Variants in TOLLIP observed in about 807,000 individuals in gnomAD.
TOLLIP encodes toll-interacting protein.
In TOLLIP, 16 loss-of-function variants were observed where a neutral mutation model predicts 33.5. That is an observed-to-expected ratio of 0.48 (90% confidence interval 0.32 to 0.72). The LOEUF is 0.72. Among genes scored for constraint, TOLLIP ranks in the 30% least tolerant of loss-of-function variants. The probability of loss-of-function intolerance (pLI) is 0.03; values close to 1 mark genes in which losing one functional copy is unlikely to be tolerated. For missense variants in TOLLIP, 325 were observed against 396.6 expected (o/e 0.82, Z 1.53); for synonymous variants, 176 against 163.7 (o/e 1.07, Z -0.57).
Position 1,295,667 on chromosome 11 carries a change from C to A in TOLLIP, c.161G>T (p.Arg54Leu). 2 of 1,594,524 alleles carry A rather than the reference C, an allele frequency of 1.3e-6. No individual in the cohort carries two copies. The highest frequency in any genetic ancestry group is 1.7e-6 in the Non-Finnish European group (2 of 1,166,910). ...CACCTGTACCACCGTGATGTTCAGTCGGCCCACGGTGCCCACTGCGCCTCC... is the reference window on the plus strand; with the variant it reads ...CACCTGTACCACCGTGATGTTCAGTAGGCCCACGGTGCCCACTGCGCCTCC... ...QYGGAVGTVG[R>L]LNITVVQAKL... Residue 54 changes from arginine (R) to leucine (L), a missense_variant, in exon 2 of 6, where the codon CGA becomes CTA. Coordinates refer to ENST00000317204, the MANE Select transcript of TOLLIP (RefSeq NM_019009.4).
In TOLLIP at chr11:1,301,290, C is replaced by A. The variant is rs1165437472; in HGVS notation, c.34-5496G>T. 2.6e-5 allele frequency among the ~76,000 whole-genome samples: 4 copies of A among 152,332 alleles called. No individual in the cohort carries two copies. In the South Asian group the frequency reaches 8.3e-4, roughly 32 times the overall value. ...GACATCATTAGCGATGGGCTAAATA[C>A]GTTCTGTGGAATTAAATCACAAAAT... On this transcript the variant is annotated intron_variant, in intron 1 of 5. Coordinates refer to ENST00000317204, the MANE Select transcript of TOLLIP (RefSeq NM_019009.4).
chr11:1,306,678 G>A (rs956441218), intron 1 of TOLLIP, among the ~76,000 whole-genome samples: 1 of 152,094 alleles, frequency 6.6e-6, no homozygotes, highest in South Asian at 2.1e-4. Flanking sequence ...AAGCAGGCTG[G>A]TGCCAAGGCG....
chr11:1,277,444 G>A lies in TOLLIP; in HGVS notation c.611-191C>T, dbSNP rs1863347488. Among the ~76,000 whole-genome samples the A allele has an allele frequency of 6.6e-6, 1 of 152,186 alleles. No individual in the cohort carries two copies. The highest frequency in any genetic ancestry group is 2.4e-5 in the African/African-American group (1 of 41,448). On this transcript the variant is annotated intron_variant, in intron 5 of 5. Coordinates refer to ENST00000317204, the MANE Select transcript of TOLLIP (RefSeq NM_019009.4). This position sits in a 1 kb window ranked among gnomAD's most constrained non-coding sequence, Gnocchi z 4.2. ...CCCCCAAACAGCAACCCCAGGCACA[G>A]CCACGGGGAAGGTGGGCAGGGCCCT...
Position 1,303,382 on chromosome 11 carries a change from A to G in TOLLIP, c.33+6084T>C, listed in dbSNP as rs1455929146. On this transcript the variant is annotated intron_variant, in intron 1 of 5. Coordinates refer to ENST00000317204, the MANE Select transcript of TOLLIP (RefSeq NM_019009.4). This position sits in a 1 kb window ranked among gnomAD's most constrained non-coding sequence, Gnocchi z 4.2. ...GTGGCAGGCCCTGGGCGCCGGGCAC[A>G]GGGCGCGCGCTGCGGCAGCCTCTGC... Among the ~76,000 whole-genome samples the G allele has an allele frequency of 2.0e-5, 3 of 152,192 alleles. No homozygotes were observed. Among genetic ancestry groups the G allele is most frequent in the Non-Finnish European group, 4.4e-5 (3 of 68,044 alleles).
intron 1 of TOLLIP, among the ~76,000 whole-genome samples, chr11:1,304,488 C>T (rs1017261009): frequency 4.6e-5 from 7 of 152,246 alleles, no homozygotes; most frequent in African/African-American, 1.7e-4. Flanking sequence ...CACATTCCTG[C>T]GGGAGCCCCA....
At position 1,286,083 on chromosome 11, in the gene TOLLIP, C is replaced by A. The variant is rs778149966; in HGVS notation, c.529G>T (p.Ala177Ser). The change falls in exon 5 of 6, where the codon GCT becomes TCT. Residue 177 changes from alanine to serine, a missense_variant. Coordinates refer to ENST00000317204, the MANE Select transcript of TOLLIP (RefSeq NM_019009.4). ...NLVMSYALLP[A>S]AMVMPPQPVV... ...GGCTGGGGTGGCATCACCATGGCAG[C>A]TGGAAGCAGCTGAAACACAGCGGAG... 1.3e-6 allele frequency: 2 copies of A among 1,595,796 alleles called. No homozygotes were observed. Among genetic ancestry groups the A allele is most frequent in the Non-Finnish European group, 1.7e-6 (2 of 1,172,484 alleles).
intron 1 of TOLLIP, among the ~76,000 whole-genome samples, chr11:1,302,374 C>G (rs1015231591): frequency 1.3e-5 from 2 of 152,226 alleles, no homozygotes; most frequent in African/African-American, 4.8e-5. Context: ...TGCACATGCC[C>G]CAGGCCTGCA....
At chr11:1,287,916 T>TCC (rs1863798774) in intron 4 of TOLLIP, among the ~76,000 whole-genome samples, 1 of 151,230 alleles carries the variant, frequency 6.6e-6, no homozygotes. Flanking sequence ...TGCTGCACCC[T>TCC]CTCTGCTGTC....
At chr11:1,307,012 C>T (rs569511036) in intron 1 of TOLLIP, among the ~76,000 whole-genome samples, 4 of 152,276 alleles carry the variant, frequency 2.6e-5, no homozygotes, top group African/African-American at 9.6e-5. Context: ...CCCACCGGGC[C>T]GTCACCACAC....
At chr11:1,280,586 C>T (rs970159032) in intron 5 of TOLLIP, among the ~76,000 whole-genome samples, 2 of 152,100 alleles carry the variant, frequency 1.3e-5, no homozygotes, top group East Asian at 1.9e-4. Context: ...ATGGAAACAG[C>T]GTCAACGGGC....
At chr11:1,301,273 T>C (rs1864267092) in intron 1 of TOLLIP, among the ~76,000 whole-genome samples, 1 of 152,224 alleles carries the variant, frequency 6.6e-6, no homozygotes, top group Non-Finnish European at 1.5e-5. Flanking sequence ...CTGACATCAT[T>C]AGCGATGGGC....
chr11:1,287,587 C>T (rs574776550), intron 4 of TOLLIP, among the ~76,000 whole-genome samples: 1 of 11,736 alleles, frequency 8.5e-5, no homozygotes, highest in Non-Finnish European at 1.8e-4. Context: ...CCCTCCCCGC[C>T]GCAGCCTCCC....
chr11:1,286,769 G>C (rs1349257573), intron 4 of TOLLIP, among the ~76,000 whole-genome samples: 3 of 151,844 alleles, frequency 2.0e-5, no homozygotes, highest in Admixed American at 6.6e-5. Flanking sequence ...CTGCGGATAA[G>C]TCATTGCACT....
rs1590211730 is a variant in TOLLIP, at chr11:1,286,054, C to T, written c.558G>A (p.Val186=). ...PAAMVMPPQP[V]VLMPTVYQQG... is the part of the protein sequence containing the mutation. The stretch of plus-strand genomic sequence containing the variant: ...GCTGGTACACTGTTGGCATCAGGAC[C>T]ACGGGCTGGGGTGGCATCACCATGG... Residue 186 remains valine, a synonymous_variant, in exon 5 of 6, where the codon GTG becomes GTA. Coordinates refer to ENST00000317204, the MANE Select transcript of TOLLIP (RefSeq NM_019009.4). 4 of 1,600,974 alleles carry T rather than the reference C, an allele frequency of 2.5e-6. No homozygotes were observed. Among genetic ancestry groups the T allele is most frequent in the East Asian group, 4.5e-5 (2 of 44,424 alleles).
At chr11:1,279,275 G>A (rs898604302) in intron 5 of TOLLIP, among the ~76,000 whole-genome samples, 1 of 152,246 alleles carries the variant, frequency 6.6e-6, no homozygotes, top group Admixed American at 6.5e-5. Flanking sequence ...GGAAGAGGTG[G>A]GTGCTTCCAC....
At chr11:1,295,822 G>C (rs755566728) in intron 1 of TOLLIP, 28 bp from the exon 2 acceptor site, 32 of 1,526,522 alleles carry the variant, frequency 2.1e-5, no homozygotes. Context: ...AGAGAGGCCA[G>C]TGAGTCAGGG....
At chr11:1,296,318 G>C (rs943533955) in intron 1 of TOLLIP, among the ~76,000 whole-genome samples, 18 of 152,336 alleles carry the variant, frequency 1.2e-4, no homozygotes, top group African/African-American at 3.4e-4. Flanking sequence ...GAAGTAAATC[G>C]ATTCCAAACA....
Position 1,290,517 on chromosome 11 carries a change from CAT to C in TOLLIP, c.184-110_184-109del. 2.0e-6 allele frequency: 2 copies of C among 1,010,566 alleles called. No individual in the cohort carries two copies. Among genetic ancestry groups the C allele is most frequent in the Non-Finnish European group, 2.9e-6 (2 of 680,480 alleles). 62.6% of individuals were successfully genotyped at this position (1,010,566 alleles called of 1,614,324 possible). A position where few individuals can be genotyped will look rare whatever the true frequency, so the allele number is the denominator to read the frequency against. ...CCTTCCACGAGGCCTTTTCCTAACACATAGACTACAGCCACTCAGAGTCGCCT... is the reference window on the plus strand; with the variant it reads ...CCTTCCACGAGGCCTTTTCCTAACACAGACTACAGCCACTCAGAGTCGCCT... On this transcript the variant is annotated intron_variant, in intron 2 of 5. Coordinates refer to ENST00000317204, the MANE Select transcript of TOLLIP (RefSeq NM_019009.4). The surrounding 1 kb of genome is among the most constrained non-coding windows in gnomAD (Gnocchi z 4.9).
At position 1,303,813 on chromosome 11, in the gene TOLLIP, A is replaced by G. The variant is rs1864351340; in HGVS notation, c.33+5653T>C. ...AACTTTGGGAGGCTGAGGTGGGCGG[A>G]TCACTTGAGACCAGGAGTTCGAGAA... On this transcript the variant is annotated intron_variant, in intron 1 of 5. Coordinates refer to ENST00000317204, the MANE Select transcript of TOLLIP (RefSeq NM_019009.4). The surrounding 1 kb of genome is among the most constrained non-coding windows in gnomAD (Gnocchi z 4.2). 6.6e-6 allele frequency among the ~76,000 whole-genome samples: 1 copy of G among 152,244 alleles called. No homozygotes were observed.
Sources: gnomAD v4.1 joint callset for allele counts (sites outside exome capture counted in the v4.1 genomes callset) on GRCh38, gnomAD v4.1.1 for gene constraint, Gnocchi (gnomAD v3.1) non-coding constraint, MANE v1.5 for transcripts, NCBI Gene and HGNC (gene_info 2026-07-23, HGNC 2026-07-21) for gene names.